SLC2A5: variants seen among roughly 807,000 people sequenced by gnomAD.
The protein encoded by SLC2A5 is solute carrier family 2, facilitated glucose transporter member 5.
A neutral mutation model predicts 50.3 loss-of-function variants in SLC2A5; 56 were observed. The observed-to-expected ratio is 1.11, with a 90% CI of 0.90 to 1.39. The LOEUF (loss-of-function observed/expected upper bound fraction) is 1.39. Ranked by LOEUF, SLC2A5 falls within the 40% of genes most tolerant of loss-of-function variation. The pLI, the probability that SLC2A5 is intolerant of heterozygous loss-of-function variation, is 0.00. For missense variants in SLC2A5, 566 were observed against 650.1 expected (o/e 0.87, Z 1.41); for synonymous variants, 269 against 281.9 (o/e 0.95, Z 0.46).
intron 3 of SLC2A5, among the ~76,000 whole-genome samples, chr1:9,055,212 C>A (rs1641718326): frequency 6.6e-6 from 1 of 152,064 alleles, no homozygotes; most frequent in South Asian, 2.1e-4. Context: ...ACCATTTCCC[C>A]ATCTTTAAAA....
intron 4 of SLC2A5, 120 bp downstream of exon 4, chr1:9,047,490 A>G (rs1641464680): frequency 3.1e-6 from 3 of 960,710 alleles, no homozygotes; most frequent in African/African-American, 3.3e-5. Flanking sequence ...TTCACAGCAG[A>G]GGTATAGGAA....
At chr1:9,039,014 G>A in intron 8 of SLC2A5, 85 bp from the exon 9 acceptor site, 2 of 1,502,398 alleles carry the variant, frequency 1.3e-6, no homozygotes. Flanking sequence ...TGTGAGGAGA[G>A]CTGGGCGGAC....
chr1:9,050,000 A>C (rs1343548531), intron 3 of SLC2A5, among the ~76,000 whole-genome samples: 6 of 151,216 alleles, frequency 4.0e-5, no homozygotes, highest in Non-Finnish European at 7.4e-5. Context: ...GGCCAGGCGC[A>C]GTGGCTCACG....
chr1:9,081,734 G>T (rs1028422423), intron 2 of SLC2A5, among the ~76,000 whole-genome samples: 1 of 151,856 alleles, frequency 6.6e-6, no homozygotes, highest in Middle Eastern at 3.2e-3. Flanking sequence ...AACAAAATGA[G>T]GTATCACTTC....
chr1:9,086,335 C>A (rs1301796478), intron 1 of SLC2A5, among the ~76,000 whole-genome samples: 1 of 151,832 alleles, frequency 6.6e-6, no homozygotes, highest in Non-Finnish European at 1.5e-5. Flanking sequence ...GGAGTTACCA[C>A]TCAAATTAAT....
At chr1:9,053,552 T>A (rs1255427641) in intron 3 of SLC2A5, among the ~76,000 whole-genome samples, 2 of 78,168 alleles carry the variant, frequency 2.6e-5, no homozygotes, top group Non-Finnish European at 5.6e-5. Flanking sequence ...ATTATATATT[T>A]ATATATATTA....
At position 9,038,914 on chromosome 1, in the gene SLC2A5, G is replaced by A; in HGVS notation, c.1012C>T (p.Leu338Phe). 6.2e-7 allele frequency: 1 copy of A among 1,612,572 alleles called. No homozygotes were observed. The highest frequency in any genetic ancestry group is 8.5e-7 in the Non-Finnish European group (1 of 1,179,874). Residue 338 changes from leucine (L) to phenylalanine (F), a missense_variant, in exon 9 of 12, where the codon CTC (leucine) becomes TTC (phenylalanine). Leu to Phe is a conservative substitution (Grantham distance 22). Coordinates refer to ENST00000377424, the MANE Select transcript of SLC2A5 (RefSeq NM_003039.3). ...MTFCAVFVVE[L>F]LGRRLLLLLG... Reference sequence around the variant, plus strand: ...AGCAGCAGCAGCCTCCGACCCAGGAGCTCCACCACGAACACCTACAGGAGG... The same window carrying A: ...AGCAGCAGCAGCCTCCGACCCAGGAACTCCACCACGAACACCTACAGGAGG...
Position 9,081,283 on chromosome 1 carries a change from C to CA in SLC2A5, c.-59+3730dup, listed in dbSNP as rs1250033751. ...TCAGAAAAAAAAAAAAAAAAAACCC[C>CA]AAAAAAAAAAAACACGACCAAAACA... On this transcript the variant is annotated intron_variant, in intron 2 of 5. Coordinates refer to the SLC2A5 transcript ENST00000464985. 2.2e-3 allele frequency among the ~76,000 whole-genome samples: 270 copies of CA among 122,912 alleles called. 4 individuals carry two copies. The highest frequency in any genetic ancestry group is 2.3e-3 in the Non-Finnish European group (142 of 61,358). 80.6% of individuals were successfully genotyped at this position (122,912 alleles called of 152,430 possible). A position where few individuals can be genotyped will look rare whatever the true frequency, so the allele number is the denominator to read the frequency against.
chr1:9,041,656 A>G, intron 5 of SLC2A5, 129 bp downstream of exon 5: 4 of 1,546,072 alleles, frequency 2.6e-6, no homozygotes, highest in Non-Finnish European at 3.5e-6. Flanking sequence ...CCCCCCAAGG[A>G]CATCCAGCCT....
chr1:9,044,576 A>G (rs1276435508), intron 4 of SLC2A5, among the ~76,000 whole-genome samples: 1 of 151,892 alleles, frequency 6.6e-6, no homozygotes, highest in Non-Finnish European at 1.5e-5. Flanking sequence ...TGTTTTTGAG[A>G]CAGAGTTTCA....
the SLC2A5 span, among the ~76,000 whole-genome samples, chr1:9,094,168 T>TC: frequency 2.0e-5 from 3 of 152,346 alleles, no homozygotes; most frequent in Non-Finnish European, 2.9e-5. Context: ...CTCACCCGGT[T>TC]GACTACCAAG....
At chr1:9,047,069 C>T (rs1306719879) in intron 4 of SLC2A5, among the ~76,000 whole-genome samples, 2 of 152,154 alleles carry the variant, frequency 1.3e-5, no homozygotes, top group Non-Finnish European at 2.9e-5. Flanking sequence ...CCTCTCCAGC[C>T]ATGGGGAACT....
upstream of SLC2A5, among the ~76,000 whole-genome samples, chr1:9,088,712 G>A (rs1642431232): frequency 6.6e-6 from 1 of 152,204 alleles, no homozygotes; most frequent in Non-Finnish European, 1.5e-5. Flanking sequence ...CAACCCAGGA[G>A]GTGGAGGTTG....
chr1:9,062,034 G>A (rs376346858), intron 1 of SLC2A5, among the ~76,000 whole-genome samples: 12 of 152,282 alleles, frequency 7.9e-5, no homozygotes, highest in Middle Eastern at 3.4e-3. Context: ...TTCTGTGGGC[G>A]CAGTAGAAAT....
At chr1:9,085,885 G>C (rs937211988) in intron 1 of SLC2A5, among the ~76,000 whole-genome samples, 25 of 152,182 alleles carry the variant, frequency 1.6e-4, no homozygotes, top group African/African-American at 5.8e-4. Context: ...GAGTTCTGCT[G>C]TCTGCCAGGG....
At chr1:9,089,933 T>C (rs1642445271), upstream of SLC2A5, among the ~76,000 whole-genome samples, 1 of 152,170 alleles carries the variant, frequency 6.6e-6, no homozygotes, top group Non-Finnish European at 1.5e-5. Flanking sequence ...TTGGACAGTA[T>C]CCATTAATAT....
At chr1:9,048,236 T>C (rs1641483761) in intron 3 of SLC2A5, among the ~76,000 whole-genome samples, 1 of 152,162 alleles carries the variant, frequency 6.6e-6, no homozygotes, top group South Asian at 2.1e-4. Context: ...GGGCCAGGCA[T>C]GGTGGCTCAC....
intron 1 of SLC2A5, among the ~76,000 whole-genome samples, chr1:9,065,292 T>C (rs1642051934): frequency 6.6e-6 from 1 of 152,152 alleles, no homozygotes; most frequent in Admixed American, 6.6e-5. Flanking sequence ...TTTCTTTTTT[T>C]AGGTTGACAA....
chr1:9,053,900 T>C (rs79207694), intron 3 of SLC2A5, among the ~76,000 whole-genome samples: 1,710 of 151,310 alleles, frequency 0.011, 22 homozygotes, highest in East Asian at 0.046. Context: ...AAAATAAAAA[T>C]AGTACTATAG....
Sources: gnomAD v4.1 joint callset for allele counts (sites outside exome capture counted in the v4.1 genomes callset) on GRCh38, gnomAD v4.1.1 for gene constraint, MANE v1.5 for transcripts, NCBI Gene and HGNC (gene_info 2026-07-23, HGNC 2026-07-21) for gene names.